The following MAGI1 variants were observed in gnomAD, a reference collection of about 807,000 sequenced individuals.
MAGI1 encodes the protein membrane-associated guanylate kinase, WW and PDZ domain-containing protein 1.
MAGI1 carries 58 observed loss-of-function variants against 139.9 expected under a neutral mutation model. The observed-to-expected ratio is 0.41, with a 90% CI of 0.34 to 0.52. MAGI1 has a LOEUF of 0.52. Ranked by LOEUF, MAGI1 falls within the 20% of genes least tolerant of loss-of-function variation. The pLI is 0.12. For synonymous variants in MAGI1, 812 were observed against 737.9 expected (o/e 1.10, Z -1.63); for missense variants, 1,874 against 1,901.6 (o/e 0.99, Z 0.27).
intron 1 of MAGI1, among the ~76,000 whole-genome samples, chr3:65,625,600 G>C (rs2107102790): frequency 6.6e-6 from 1 of 152,276 alleles, no homozygotes; most frequent in African/African-American, 2.4e-5. Context: ...CATTCAGACA[G>C]TGCCTGGCAA....
At chr3:65,447,792 G>A (rs1948767149) in intron 7 of MAGI1, among the ~76,000 whole-genome samples, 2 of 152,184 alleles carry the variant, frequency 1.3e-5, no homozygotes. Context: ...TCTAGTCTCT[G>A]TTCAGTCAGA....
chr3:65,665,927 G>T (rs903083026), intron 1 of MAGI1, among the ~76,000 whole-genome samples: 5 of 152,048 alleles, frequency 3.3e-5, no homozygotes, highest in African/African-American at 9.7e-5. Flanking sequence ...ACCATAGAGC[G>T]CCTTACAGTT....
At chr3:65,826,536 C>T (rs2042240150) in intron 1 of MAGI1, among the ~76,000 whole-genome samples, 1 of 152,182 alleles carries the variant, frequency 6.6e-6, no homozygotes, top group South Asian at 2.1e-4. Flanking sequence ...AAAACATATA[C>T]AATTGAGAAG....
At chr3:65,907,758 C>T (rs1429423956) in intron 1 of MAGI1, 1 of 152,200 alleles carries the variant, frequency 6.6e-6, no homozygotes, top group Non-Finnish European at 1.5e-5. Flanking sequence ...TCCTTCTCCA[C>T]CCCAACTACC....
Position 65,923,396 on chromosome 3 carries a change from T to C in MAGI1, c.313+114600A>G, listed in dbSNP as rs138321202. 3.7e-3 allele frequency among the ~76,000 whole-genome samples: 563 copies of C among 151,966 alleles called. 4 individuals carry two copies. Among genetic ancestry groups the C allele is most frequent in the African/African-American group, 0.012 (508 of 41,430 alleles). Reference sequence around the variant, plus strand: ...GCGCACCACCACGCCCAGCTAACTTTTTGTATTTTTAGTAGAGATGGGGTT... The same window carrying C: ...GCGCACCACCACGCCCAGCTAACTTCTTGTATTTTTAGTAGAGATGGGGTT... On this transcript the variant is annotated intron_variant, in intron 1 of 22. Coordinates refer to ENST00000402939, the MANE Select transcript of MAGI1 (RefSeq NM_001033057.2).
intron 1 of MAGI1, among the ~76,000 whole-genome samples, chr3:65,856,814 A>G (rs6788509): frequency 0.14 from 21,527 of 152,196 alleles, 1,852 homozygotes; most frequent in Admixed American, 0.2. Context: ...AGCCAGCCGC[A>G]CAAACTAACA....
chr3:65,401,305 C>A (rs1375499096), intron 13 of MAGI1, 134 bp downstream of exon 13: 1 of 1,107,716 alleles, frequency 9.0e-7, no homozygotes, highest in East Asian at 2.6e-5. Context: ...AGAAAATGAG[C>A]CCCGGCTCCT....
intron 1 of MAGI1, among the ~76,000 whole-genome samples, chr3:65,745,244 G>C (rs1374605955): frequency 6.6e-6 from 1 of 152,118 alleles, no homozygotes; most frequent in Non-Finnish European, 1.5e-5. Flanking sequence ...AAGCAGGAAA[G>C]AGAAGGTATC....
At chr3:65,534,367 G>T (rs765588058) in intron 2 of MAGI1, among the ~76,000 whole-genome samples, 5 of 152,040 alleles carry the variant, frequency 3.3e-5, no homozygotes, top group Admixed American at 6.6e-5. Context: ...GGTGCACACC[G>T]GTAGTCCCAG....
intron 3 of MAGI1, among the ~76,000 whole-genome samples, chr3:65,480,742 C>A (rs910655363): frequency 2.0e-5 from 3 of 151,762 alleles, no homozygotes; most frequent in Admixed American, 6.6e-5. Context: ...TGCACCACCA[C>A]GCCTGGCTAA....
chr3:65,375,068 A>G (rs940749220), intron 18 of MAGI1, among the ~76,000 whole-genome samples: 2 of 152,182 alleles, frequency 1.3e-5, no homozygotes, highest in Non-Finnish European at 2.9e-5. Context: ...CATATAATAC[A>G]GCTCATATTA....
At chr3:65,611,001 T>C (rs1040697473) in intron 2 of MAGI1, among the ~76,000 whole-genome samples, 2 of 130,230 alleles carry the variant, frequency 1.5e-5, no homozygotes, top group Admixed American at 8.5e-5. Context: ...ATATACTATA[T>C]ACATATATAC....
chr3:65,851,086 A>G (rs1049179173), intron 1 of MAGI1, among the ~76,000 whole-genome samples: 3 of 152,032 alleles, frequency 2.0e-5, no homozygotes, highest in Admixed American at 6.6e-5. Flanking sequence ...CAGCTGGGGG[A>G]CAAGAGCGAG....
chr3:65,937,402 C>T (rs1364124224), intron 1 of MAGI1, among the ~76,000 whole-genome samples: 1 of 152,122 alleles, frequency 6.6e-6, no homozygotes, highest in Non-Finnish European at 1.5e-5. Context: ...TCTCCTTCCC[C>T]AGCTGGCTCA....
chr3:65,953,847 G>A (rs1013719377), intron 1 of MAGI1, among the ~76,000 whole-genome samples: 2 of 152,138 alleles, frequency 1.3e-5, no homozygotes, highest in Admixed American at 6.5e-5. Context: ...GGCAATGTTC[G>A]TTAGGTAAAA....
chr3:65,897,520 G>A lies in MAGI1; in HGVS notation c.313+140476C>T, dbSNP rs541070499. On this transcript the variant is annotated intron_variant, in intron 1 of 22. Transcript: ENST00000402939. ...ATTAGGAGAAATACCTAATGTAAAT[G>A]ACGAGTTAATGGGTGCAGCAAACCA... 3.9e-5 allele frequency among the ~76,000 whole-genome samples: 6 copies of A among 152,170 alleles called. No homozygotes were observed. In the East Asian group the frequency reaches 1.2e-3, roughly 29 times the overall value.
intron 6 of MAGI1, 189 bp downstream of exon 6, chr3:65,453,069 C>A: frequency 1.7e-6 from 1 of 588,112 alleles, no homozygotes; most frequent in East Asian, 2.8e-5. Flanking sequence ...TATGTGTAAA[C>A]AAATTCTTCT....
chr3:65,926,327 T>TTCTCTTTCTCTCTCTC (rs1553731213), intron 1 of MAGI1, among the ~76,000 whole-genome samples: 10 of 115,664 alleles, frequency 8.6e-5, no homozygotes, highest in South Asian at 3.6e-4. Context: ...AAGTCTTCTT[T>TTCTCTTTCTCTCTCTC]TCTCTCTCTC....
chr3:65,938,671 G>T (rs144622393), intron 1 of MAGI1, among the ~76,000 whole-genome samples: 2 of 152,094 alleles, frequency 1.3e-5, no homozygotes, highest in Admixed American at 1.3e-4. Context: ...AAGATTTCTC[G>T]TAATAAACCT....
Sources: gnomAD v4.1 joint callset for allele counts (sites outside exome capture counted in the v4.1 genomes callset) on GRCh38, gnomAD v4.1.1 for gene constraint, MANE v1.5 for transcripts, NCBI Gene and HGNC (gene_info 2026-07-23, HGNC 2026-07-21) for gene names.